The following TBX20 variants were observed in gnomAD, a reference collection of about 807,000 sequenced individuals.
TBX20 encodes T-box transcription factor 20.
Under a neutral mutation model 42.9 loss-of-function variants are expected in TBX20, and 8 were observed. The ratio of observed to expected loss-of-function variants is 0.19; its 90% CI spans 0.11 to 0.34. The LOEUF (loss-of-function observed/expected upper bound fraction) is 0.34. Among genes scored for constraint, TBX20 ranks in the 10% least tolerant of loss-of-function variants. TBX20 has a pLI of 1.00. For missense variants in TBX20, 411 were observed against 566.0 expected (o/e 0.73, Z 2.78); for synonymous variants, 198 against 222.8 (o/e 0.89, Z 0.99).
chr7:35,206,147 T>A (rs1422080652), intron 6 of TBX20, among the ~76,000 whole-genome samples: 2 of 151,968 alleles, frequency 1.3e-5, no homozygotes, highest in African/African-American at 4.8e-5. Flanking sequence ...AGGATTAGAG[T>A]AGTGATTCTC....
At position 35,202,784 on chromosome 7, in the gene TBX20, C is replaced by A; in HGVS notation, c.1004-14G>T. 6.5e-7 allele frequency: 1 copy of A among 1,541,030 alleles called. No homozygotes were observed. Among genetic ancestry groups the A allele is most frequent in the Non-Finnish European group, 8.8e-7 (1 of 1,139,260 alleles). On this transcript the variant is annotated splice_polypyrimidine_tract_variant and intron_variant, in intron 7 of 7. Transcript: ENST00000408931. The stretch of plus-strand genomic sequence containing the variant: ...TAAAGGCTGACCCTGTAAGGAAAAA[C>A]ACTCATTAGACTGGAAACACTGTGT...
chr7:35,241,290 G>A (rs540411179), intron 4 of TBX20, among the ~76,000 whole-genome samples: 1 of 152,268 alleles, frequency 6.6e-6, no homozygotes, highest in Non-Finnish European at 1.5e-5. Flanking sequence ...AATGGTAAGG[G>A]GAGAGGTCAT....
intron 6 of TBX20, among the ~76,000 whole-genome samples, chr7:35,222,399 A>C (rs1278927218): frequency 1.3e-5 from 2 of 152,240 alleles, no homozygotes; most frequent in Admixed American, 6.5e-5. Flanking sequence ...TATATTGAAC[A>C]GAAAGCAGAA....
rs557701132 is a variant in TBX20 at position 35,232,348 on chromosome 7, A to G, written c.814-768T>C. 6.6e-5 allele frequency among the ~76,000 whole-genome samples: 10 copies of G among 152,358 alleles called. No homozygotes were observed. The South Asian group carries it at 2.1e-3, about 32-fold the overall frequency. ...TTAGTGTAGAAAGATCCATGAAATT[A>G]TATGCACCATGACTCTGAAGGAGAA... is the stretch of plus-strand genomic sequence containing the variant. On this transcript the variant is annotated intron_variant, in intron 5 of 7. Transcript: ENST00000408931.
intron 4 of TBX20, among the ~76,000 whole-genome samples, chr7:35,241,381 C>T (rs1220866491): frequency 3.3e-5 from 5 of 152,086 alleles, no homozygotes; most frequent in African/African-American, 4.8e-5. Flanking sequence ...GACCAAAGGA[C>T]GCATGTCTAA....
chr7:35,234,918 CTT>C (rs1789933991), intron 5 of TBX20, among the ~76,000 whole-genome samples: 1 of 152,096 alleles, frequency 6.6e-6, no homozygotes, highest in Non-Finnish European at 1.5e-5. Flanking sequence ...GATTAAACTT[CTT>C]TGTGAGCCCA....
intron 6 of TBX20, among the ~76,000 whole-genome samples, chr7:35,226,242 G>A (rs1789768672): frequency 6.6e-6 from 1 of 151,882 alleles, no homozygotes; most frequent in Non-Finnish European, 1.5e-5. Flanking sequence ...AAGAACGAGA[G>A]CAACAGATTT....
intron 5 of TBX20, among the ~76,000 whole-genome samples, chr7:35,232,931 A>G (rs1789894977): frequency 6.6e-6 from 1 of 152,180 alleles, no homozygotes; most frequent in Non-Finnish European, 1.5e-5. Context: ...CTGACACGAG[A>G]ATCACCTGAA....
chr7:35,222,832 T>A (rs1789704993), intron 6 of TBX20, among the ~76,000 whole-genome samples: 1 of 150,520 alleles, frequency 6.6e-6, no homozygotes, highest in South Asian at 2.1e-4. Flanking sequence ...TTGTCTGGAC[T>A]TTGGATTGTA....
In TBX20 at chr7:35,216,083, T is replaced by C. The variant is rs149777698; in HGVS notation, c.891-11501A>G. Among the ~76,000 whole-genome samples, 1,027 of 152,288 alleles carry C rather than the reference T, an allele frequency of 6.7e-3. 17 individuals are homozygous for C. The highest frequency in any genetic ancestry group is 0.024 in the African/African-American group (985 of 41,554). ...TTGATGGCAATTATACGTTTTCAGGTCTGTCTCCACTACTACGCTGCTGGC... is the reference window on the plus strand; with the variant it reads ...TTGATGGCAATTATACGTTTTCAGGCCTGTCTCCACTACTACGCTGCTGGC... On this transcript the variant is annotated intron_variant, in intron 6 of 7. Transcript: ENST00000408931.
Position 35,241,049 on chromosome 7 carries a change from A to G in TBX20, c.655-12T>C. Reference sequence around the variant, plus strand: ...GAGTTCAAAATTATCTACAACAAAAAGATGGGAAGTACTGAATTTTACATA... The same window carrying G: ...GAGTTCAAAATTATCTACAACAAAAGGATGGGAAGTACTGAATTTTACATA... On this transcript the variant is annotated splice_polypyrimidine_tract_variant and intron_variant, in intron 4 of 7. Coordinates refer to ENST00000408931, the MANE Select transcript of TBX20 (RefSeq NM_001077653.2). 6.2e-7 allele frequency: 1 copy of G among 1,613,534 alleles called. No homozygotes were observed. Among genetic ancestry groups the G allele is most frequent in the Non-Finnish European group, 8.5e-7 (1 of 1,179,484 alleles).
chr7:35,222,060 T>C (rs1396465639), intron 6 of TBX20, among the ~76,000 whole-genome samples: 1 of 152,130 alleles, frequency 6.6e-6, no homozygotes, highest in Non-Finnish European at 1.5e-5. Context: ...TACTGGAATT[T>C]AAAGGCAATA....
chr7:35,240,541 T>C (rs1345652565), intron 5 of TBX20, among the ~76,000 whole-genome samples: 1 of 152,174 alleles, frequency 6.6e-6, no homozygotes, highest in African/African-American at 2.4e-5. Context: ...TTTTAAATTT[T>C]ATGAAGCAAC....
chr7:35,231,321 G>C (rs2128713437), intron 6 of TBX20, among the ~76,000 whole-genome samples, 183 bp downstream of exon 6: 1 of 152,258 alleles, frequency 6.6e-6, no homozygotes, highest in South Asian at 2.1e-4. Flanking sequence ...GCATATAATA[G>C]ATCCAGTCAC....
intron 6 of TBX20, among the ~76,000 whole-genome samples, chr7:35,208,356 A>T (rs1562556673): frequency 6.6e-6 from 1 of 152,144 alleles, no homozygotes; most frequent in East Asian, 1.9e-4. Flanking sequence ...GTACACAAAG[A>T]TAGTTTTACT....
At chr7:35,222,818 G>A (rs2128712304) in intron 6 of TBX20, among the ~76,000 whole-genome samples, 1 of 151,962 alleles carries the variant, frequency 6.6e-6, no homozygotes, top group East Asian at 1.9e-4. Flanking sequence ...GAACCTTTGA[G>A]GCCTTGTCTG....
At position 35,248,456 on chromosome 7, in the gene TBX20, G is replaced by A. The variant is rs17675131; in HGVS notation, c.545+221C>T. Among the ~76,000 whole-genome samples, 53,800 of 152,012 alleles carry A rather than the reference G, an allele frequency of 0.35. 9,987 individuals are homozygous for A. The highest frequency in any genetic ancestry group is 0.46 in the Admixed American group (6,953 of 15,280). ...ACTTTGAAATGAATTACTGCCTAACGAAACATAAACTTAAAGACAGTGTTT... is the reference window on the plus strand; with the variant it reads ...ACTTTGAAATGAATTACTGCCTAACAAAACATAAACTTAAAGACAGTGTTT... On this transcript the variant is annotated intron_variant, in intron 3 of 7. Transcript: ENST00000408931.
rs189659396 is a variant in TBX20 at position 35,222,174 on chromosome 7, A to G, written c.890+9330T>C. ...TATCACAAATCATGTGAATTTGGAT[A>G]AATTATTAGTATCTCGAAGCTTTCA... On this transcript the variant is annotated intron_variant, in intron 6 of 7. Coordinates refer to ENST00000408931, the MANE Select transcript of TBX20 (RefSeq NM_001077653.2). Among the ~76,000 whole-genome samples the G allele has an allele frequency of 2.4e-3, 372 of 152,310 alleles. 8 individuals carry two copies. Among genetic ancestry groups the G allele is most frequent in the Admixed American group, 0.023 (345 of 15,300 alleles).
intron 4 of TBX20, 150 bp from the exon 5 acceptor site, chr7:35,241,187 C>T: frequency 2.9e-6 from 2 of 679,184 alleles, no homozygotes; most frequent in South Asian, 1.8e-5. Flanking sequence ...TAAGGCAAAT[C>T]ATTTTCACAA....
Sources: allele counts gnomAD v4.1 joint callset (sites outside exome capture counted in the v4.1 genomes callset), GRCh38; gene constraint gnomAD v4.1.1; transcripts MANE v1.5; gene names NCBI Gene and HGNC (gene_info 2026-07-23, HGNC 2026-07-21).